KAZN: variants seen among roughly 807,000 people sequenced by gnomAD.
The protein encoded by KAZN is kazrin.
KAZN carries 40 observed loss-of-function variants against 87.4 expected under a neutral mutation model. The observed-to-expected ratio is 0.46, with a 90% CI of 0.36 to 0.60. KAZN has a LOEUF of 0.60. KAZN is among the 20% of genes least tolerant of loss of function. KAZN has a pLI of 0.00. For synonymous variants in KAZN, 466 were observed against 458.3 expected (o/e 1.02, Z -0.22); for missense variants, 898 against 1,073.9 (o/e 0.84, Z 2.29).
At chr1:14,620,015 T>C (rs1227248440) in intron 1 of KAZN, among the ~76,000 whole-genome samples, 1 of 152,202 alleles carries the variant, frequency 6.6e-6, no homozygotes. Context: ...AGTTTTAGCC[T>C]CTTCTCAGCT....
intron 2 of KAZN, among the ~76,000 whole-genome samples, chr1:14,972,599 C>G (rs1451883575): frequency 2.0e-5 from 3 of 151,964 alleles, no homozygotes; most frequent in Admixed American, 2.0e-4. Flanking sequence ...CACTGCAACC[C>G]TGCCTCCCGA....
intron 2 of KAZN, among the ~76,000 whole-genome samples, chr1:14,258,003 G>A (rs12120608): frequency 0.016 from 2,212 of 141,462 alleles, 37 homozygotes; most frequent in Non-Finnish European, 0.025. Flanking sequence ...GAAGGGGGAA[G>A]GGTAAGAATG....
chr1:13,917,688 G>T (rs1314509673), intron 1 of KAZN, among the ~76,000 whole-genome samples: 1 of 151,318 alleles, frequency 6.6e-6, no homozygotes, highest in Non-Finnish European at 1.5e-5. Context: ...TCCCAGCTAC[G>T]TGGGAGGCTG....
chr1:14,928,978 AAC>A (rs1659489396), intron 1 of KAZN, among the ~76,000 whole-genome samples: 1 of 152,226 alleles, frequency 6.6e-6, no homozygotes, highest in Non-Finnish European at 1.5e-5. Flanking sequence ...TTTGGAATCA[AAC>A]ACACACTGAT....
At chr1:14,701,302 A>G (rs1484533545) in intron 1 of KAZN, among the ~76,000 whole-genome samples, 1 of 152,068 alleles carries the variant, frequency 6.6e-6, no homozygotes, top group Non-Finnish European at 1.5e-5. Flanking sequence ...TAAAATTGTT[A>G]TTATTCTTAG....
chr1:14,180,613 AT>A, intron 2 of KAZN: 1 of 1,536,300 alleles, frequency 6.5e-7, no homozygotes, highest in Non-Finnish European at 8.8e-7. Context: ...CAATACAGAA[AT>A]TCTCTATGGA....
intron 2 of KAZN, among the ~76,000 whole-genome samples, chr1:14,963,691 G>C (rs1394010567): frequency 2.6e-5 from 4 of 152,116 alleles, no homozygotes; most frequent in African/African-American, 4.8e-5. Context: ...TTGTTGCATA[G>C]GTATATGTGT....
At position 14,178,255 on chromosome 1, in the gene KAZN, G is replaced by A. The variant is rs376224376; in HGVS notation, c.92-2180G>A. Among the ~76,000 whole-genome samples the A allele has an allele frequency of 5.4e-4, 82 of 152,202 alleles. 1 individual carries two copies. In the South Asian group the frequency reaches 0.014, roughly 27 times the overall value. ...CCTTTATAAATTACCCAGTCTCTCC[G>A]ATGTTTCTTCATGGCAGAATGAGAA... On this transcript the variant is annotated intron_variant, in intron 1 of 16. Coordinates refer to the KAZN transcript ENST00000636203.
chr1:14,071,178 GAC>G (rs139967158), intron 1 of KAZN, among the ~76,000 whole-genome samples: 113 of 152,216 alleles, frequency 7.4e-4, no homozygotes, highest in African/African-American at 2.5e-3. Context: ...AGGGACTCAG[GAC>G]ACAGAGTTTA....
intron 1 of KAZN, among the ~76,000 whole-genome samples, chr1:14,731,528 C>T (rs1446308445): frequency 6.6e-6 from 1 of 152,204 alleles, no homozygotes; most frequent in Admixed American, 6.5e-5. Flanking sequence ...GAAGGTTTTG[C>T]TTCTGGGTCG....
At chr1:14,458,934 G>A (rs1667709080) in intron 2 of KAZN, among the ~76,000 whole-genome samples, 2 of 152,244 alleles carry the variant, frequency 1.3e-5, no homozygotes, top group Admixed American at 1.3e-4. Context: ...CTCAGTCTTT[G>A]GAGGGTCTTA....
chr1:14,081,010 G>C (rs1283065414), intron 1 of KAZN, among the ~76,000 whole-genome samples: 2 of 151,872 alleles, frequency 1.3e-5, no homozygotes, highest in Non-Finnish European at 2.9e-5. Context: ...CTTCCCCTAA[G>C]AAAACCTTTT....
intron 8 of KAZN, among the ~76,000 whole-genome samples, chr1:15,083,455 C>T (rs1420415217): frequency 1.3e-5 from 2 of 152,220 alleles, no homozygotes; most frequent in African/African-American, 2.4e-5. Context: ...TTCCATCCCG[C>T]CTTTCCATGC....
At chr1:14,733,755 T>C (rs1275777077) in intron 1 of KAZN, among the ~76,000 whole-genome samples, 1 of 152,226 alleles carries the variant, frequency 6.6e-6, no homozygotes, top group Non-Finnish European at 1.5e-5. Flanking sequence ...TTAACCTTGC[T>C]AAGGCACAGG....
chr1:14,057,380 T>A (rs1642619414), intron 1 of KAZN, among the ~76,000 whole-genome samples: 1 of 152,076 alleles, frequency 6.6e-6, no homozygotes, highest in South Asian at 2.1e-4. Flanking sequence ...TAATCCTCCC[T>A]CCTCGGCCTC....
intron 2 of KAZN, among the ~76,000 whole-genome samples, chr1:14,972,516 CT>C (rs35547504): frequency 0.058 from 8,200 of 140,676 alleles, 593 homozygotes; most frequent in African/African-American, 0.18. Context: ...AGACTGGGAA[CT>C]TTTTTTTTTT....
intron 1 of KAZN, among the ~76,000 whole-genome samples, chr1:13,957,767 G>A (rs995553948): frequency 6.6e-5 from 10 of 152,056 alleles, no homozygotes; most frequent in Non-Finnish European, 1.0e-4. Context: ...CGCTCTGGGG[G>A]ATGGCGTTAA....
chr1:15,008,393 C>A (rs993178574), intron 2 of KAZN, among the ~76,000 whole-genome samples: 5 of 152,140 alleles, frequency 3.3e-5, no homozygotes, highest in African/African-American at 1.2e-4. Context: ...GCAGGCTGAC[C>A]AAGGCAAGTC....
At chr1:14,708,855 T>A (rs1642345917) in intron 1 of KAZN, among the ~76,000 whole-genome samples, 1 of 152,246 alleles carries the variant, frequency 6.6e-6, no homozygotes, top group Non-Finnish European at 1.5e-5. Flanking sequence ...GGTTTATCGT[T>A]TTGTTTGCCC....
Sources: allele counts gnomAD v4.1 joint callset (sites outside exome capture counted in the v4.1 genomes callset), GRCh38; gene constraint gnomAD v4.1.1; transcripts MANE v1.5; gene names NCBI Gene and HGNC (gene_info 2026-07-23, HGNC 2026-07-21).